The following PYGM variants were observed in gnomAD, a reference collection of about 807,000 sequenced individuals.
The protein encoded by PYGM is glycogen phosphorylase, muscle form.
A neutral mutation model predicts 99.3 loss-of-function variants in PYGM; 81 were observed. The ratio of observed to expected loss-of-function variants is 0.82; its 90% CI spans 0.68 to 0.98. The LOEUF is 0.98. Among genes scored for constraint, PYGM ranks in the 50% least tolerant of loss-of-function variants. The pLI, the probability that PYGM is intolerant of heterozygous loss-of-function variation, is 0.00. For synonymous variants in PYGM, 436 were observed against 451.5 expected (o/e 0.97, Z 0.44); for missense variants, 1,030 against 1,158.1 (o/e 0.89, Z 1.61).
rs2058379854 is a variant in PYGM, at chr11:64,754,318, G to A, written c.1027C>T (p.Pro343Ser). 11 of 1,613,574 alleles carry A rather than the reference G, an allele frequency of 6.8e-6. No individual in the cohort carries two copies. Among genetic ancestry groups the A allele is most frequent in the Non-Finnish European group, 8.5e-6 (10 of 1,179,866 alleles). The change falls in exon 9 of 20, where the codon CCC becomes TCC. Residue 343 changes from proline to serine, a missense_variant. Transcript: ENST00000164139. This position sits in a 1 kb window ranked among gnomAD's most constrained non-coding sequence, Gnocchi z 5.5. ...KVAIQLNDTH[P>S]SLAIPELMRI... Reference sequence around the variant, plus strand: ...ATCAGCTCGGGGATGGCCAGGGAGGGGTGGGTGTCATTGAGCTGGATGGCC... The same window carrying A: ...ATCAGCTCGGGGATGGCCAGGGAGGAGTGGGTGTCATTGAGCTGGATGGCC...
At chr11:64,750,262 A>C (rs2058345083) in intron 17 of PYGM, 114 bp downstream of exon 17, 3 of 1,169,380 alleles carry the variant, frequency 2.6e-6, no homozygotes, top group Admixed American at 1.7e-5. Flanking sequence ...GCTGGCCATG[A>C]CCAAGACCTT....
intron 12 of PYGM, 92 bp from the exon 13 acceptor site, chr11:64,752,596 T>G: frequency 7.5e-7 from 1 of 1,324,962 alleles, no homozygotes; most frequent in Non-Finnish European, 1.1e-6. Context: ...CAAGCCCCCT[T>G]CACCCAGCAG....
chr11:64,753,201 T>C lies in PYGM; in HGVS notation c.1404-14A>G, dbSNP rs1481152093. On this transcript the variant is annotated splice_polypyrimidine_tract_variant and intron_variant, in intron 11 of 19. Transcript: ENST00000164139. ...AAGTCTTTGAAGCTGCAGGATGAGG[T>C]TGGACGAGGGTCACCACTCACCCCT... is the stretch of plus-strand genomic sequence containing the variant. The C allele has an allele frequency of 6.3e-7, 1 of 1,592,764 alleles. No homozygotes were observed. Among genetic ancestry groups the C allele is most frequent in the Non-Finnish European group, 8.6e-7 (1 of 1,160,994 alleles).
At chr11:64,750,299 C>G in intron 17 of PYGM, 77 bp downstream of exon 17, 1 of 1,526,438 alleles carries the variant, frequency 6.6e-7, no homozygotes, top group Non-Finnish European at 9.1e-7. Flanking sequence ...TCTTTCCAGA[C>G]GTGCCGCTTG....
At chr11:64,751,513 C>A (rs565942259) in intron 15 of PYGM, 47 bp from the exon 16 acceptor site, 8 of 1,614,138 alleles carry the variant, frequency 5.0e-6, no homozygotes, top group Non-Finnish European at 2.5e-6. Flanking sequence ...GGCCCCCCAC[C>A]CCCTATCCTG....
Position 64,755,238 on chromosome 11 carries a change from C to T in PYGM, c.855+35G>A. The T allele has an allele frequency of 6.2e-7, 1 of 1,600,892 alleles. No homozygotes were observed. Among genetic ancestry groups the T allele is most frequent in the Non-Finnish European group, 8.6e-7 (1 of 1,168,278 alleles). On this transcript the variant is annotated intron_variant, in intron 7 of 19. Transcript: ENST00000164139. This position sits in a 1 kb window ranked among gnomAD's most constrained non-coding sequence, Gnocchi z 4.1. ...TCCCTGACCCCTGCTGCCAAGGACT[C>T]AGGCTTCCAGCCCCCAGCCCAGGGG...
chr11:64,753,577 C>T lies in PYGM; in HGVS notation c.1345G>A (p.Gly449Arg), dbSNP rs769172044. 6.0e-5 allele frequency: 97 copies of T among 1,605,554 alleles called. No individual in the cohort carries two copies. The highest frequency in any genetic ancestry group is 8.1e-5 in the Non-Finnish European group (96 of 1,178,220). Residue 449 changes from glycine (G) to arginine (R), a missense_variant, in exon 11 of 20, where the codon GGG becomes AGG. Gly to Arg is a moderately radical substitution (Grantham distance 125). Transcript: ENST00000164139. The part of the protein sequence containing the change: ...RINMAHLCIA[G>R]SHAVNGVARI... ...GCCACGCCGTTGACGGCGTGCGACC[C>T]CGCGATGCACAGGTGTGCCATGTTG... is the stretch of plus-strand genomic sequence containing the variant.
rs1161659707 is a variant in PYGM at position 64,754,897 on chromosome 11, G to A, written c.856-61C>T. ...TGGGGGCATGGCCTAAAGCTGCGGT[G>A]GGTGTGGCCAGGAGGGACTCCCACC... On this transcript the variant is annotated intron_variant, in intron 7 of 19. Transcript: ENST00000164139. This position sits in a 1 kb window ranked among gnomAD's most constrained non-coding sequence, Gnocchi z 5.5. The A allele has an allele frequency of 3.7e-6, 6 of 1,601,180 alleles. No individual in the cohort carries two copies. In the Admixed American group the frequency reaches 1.0e-4, roughly 27 times the overall value.
intron 11 of PYGM, 66 bp from the exon 12 acceptor site, chr11:64,753,253 C>CCCCT (rs1326702704): frequency 2.0e-6 from 3 of 1,468,424 alleles, no homozygotes; most frequent in Admixed American, 1.7e-5. Context: ...TGCCCTGGGG[C>CCCCT]CCCTACCCTG....
chr11:64,755,387 C>T lies in PYGM; in HGVS notation c.773-32G>A, dbSNP rs2058387389. 2 of 1,613,372 alleles carry T rather than the reference C, an allele frequency of 1.2e-6. No individual in the cohort carries two copies. The highest frequency in any genetic ancestry group is 1.7e-6 in the Non-Finnish European group (2 of 1,179,298). On this transcript the variant is annotated intron_variant, in intron 6 of 19. Coordinates refer to ENST00000164139, the MANE Select transcript of PYGM (RefSeq NM_005609.4). This position sits in a 1 kb window ranked among gnomAD's most constrained non-coding sequence, Gnocchi z 4.1. Reference sequence around the variant, plus strand: ...GACAAAAGTGGGGACAGGGTAAGGCCTGCGCTGGGCGTGGCCGGCGGGCAA... The same window carrying T: ...GACAAAAGTGGGGACAGGGTAAGGCTTGCGCTGGGCGTGGCCGGCGGGCAA...
rs780375860 is a variant in PYGM at position 64,754,817 on chromosome 11, A to G, written c.875T>C (p.Leu292Pro). Reference sequence around the variant, plus strand: ...CACGAAATACTCCTGCTTCAGCCGCAGCTCCTTCCCTTCGAAGAACTGGGG... The same window carrying G: ...CACGAAATACTCCTGCTTCAGCCGCGGCTCCTTCCCTTCGAAGAACTGGGG... The part of the protein sequence containing the change: ...PNDNFFEGKE[L>P]RLKQEYFVVA... The change falls in exon 8 of 20, where the codon CTG becomes CCG. Residue 292 changes from leucine to proline, a missense_variant. Transcript: ENST00000164139. This position sits in a 1 kb window ranked among gnomAD's most constrained non-coding sequence, Gnocchi z 5.5. 1.4e-5 allele frequency: 22 copies of G among 1,613,814 alleles called. No individual in the cohort carries two copies. The highest frequency in any genetic ancestry group is 1.8e-5 in the Non-Finnish European group (21 of 1,180,004).
chr11:64,760,127 G>C (rs2058425310), upstream of PYGM: 1 of 644,282 alleles, frequency 1.6e-6, no homozygotes, highest in Non-Finnish European at 2.6e-6. Context: ...AGCTCCACTT[G>C]GGCCGCCAAG....
rs886298101 is a variant in PYGM, at chr11:64,754,595, C to T, written c.999+98G>A. Reference sequence around the variant, plus strand: ...GACCCTCCCACACTCCCAGTCTCCACTCCCTTATCTATTACATGGGGCAGG... The same window carrying T: ...GACCCTCCCACACTCCCAGTCTCCATTCCCTTATCTATTACATGGGGCAGG... On this transcript the variant is annotated intron_variant, in intron 8 of 19. Transcript: ENST00000164139. The surrounding 1 kb of genome is among the most constrained non-coding windows in gnomAD (Gnocchi z 5.5). 6 of 1,505,416 alleles carry T rather than the reference C, an allele frequency of 4.0e-6. No homozygotes were observed. The highest frequency in any genetic ancestry group is 4.5e-6 in the Non-Finnish European group (5 of 1,104,932). 93.3% of individuals were successfully genotyped at this position (1,505,416 alleles called of 1,614,324 possible). A position where few individuals can be genotyped will look rare whatever the true frequency, so the allele number is the denominator to read the frequency against.
chr11:64,759,908 A>T lies in PYGM; in HGVS notation c.-10T>A. 4.3e-6 allele frequency: 7 copies of T among 1,613,768 alleles called. No individual in the cohort carries two copies. The highest frequency in any genetic ancestry group is 5.1e-6 in the Non-Finnish European group (6 of 1,179,962). On this transcript the variant is annotated 5_prime_UTR_variant, in exon 1 of 20. Coordinates refer to ENST00000164139, the MANE Select transcript of PYGM (RefSeq NM_005609.4). ...ACAGGGGCCGGGACATGGCTGCAGG[A>T]GGGCGGGCCGGACTGGACTGATGGT... is the stretch of plus-strand genomic sequence containing the variant.
intron 12 of PYGM, 98 bp downstream of exon 12, chr11:64,752,962 TTTCAGCCTTCAGC>T: frequency 1.9e-6 from 2 of 1,034,758 alleles, no homozygotes; most frequent in Non-Finnish European, 3.1e-6. Flanking sequence ...GCAGGAGGGA[TTTCAGCCTTCAGC>T]TGGGAGCCCT....
At chr11:64,753,312 G>A in intron 11 of PYGM, 125 bp from the exon 12 acceptor site, 3 of 1,215,606 alleles carry the variant, frequency 2.5e-6, no homozygotes, top group Non-Finnish European at 3.6e-6. Context: ...CCTGGGGAAG[G>A]TTGGGGGTGC....
chr11:64,754,144 C>T lies in PYGM; in HGVS notation c.1092+109G>A. The T allele has an allele frequency of 6.3e-7, 1 of 1,586,308 alleles. No individual in the cohort carries two copies. Among genetic ancestry groups the T allele is most frequent in the Middle Eastern group, 1.7e-4 (1 of 6,008 alleles). ...CAGGTTCCAGGACGGTCCCTCTGGCCTCAGGCTCTGATCCCTTCACTCCAT... is the reference window on the plus strand; with the variant it reads ...CAGGTTCCAGGACGGTCCCTCTGGCTTCAGGCTCTGATCCCTTCACTCCAT... On this transcript the variant is annotated intron_variant, in intron 9 of 19. Transcript: ENST00000164139. The surrounding 1 kb of genome is among the most constrained non-coding windows in gnomAD (Gnocchi z 5.5).
rs145059606 is a variant in PYGM at position 64,757,119 on chromosome 11, C to T, written c.660+660G>A. Among the ~76,000 whole-genome samples, 394 of 152,210 alleles carry T rather than the reference C, an allele frequency of 2.6e-3. 2 individuals are homozygous for T. The highest frequency in any genetic ancestry group is 8.7e-3 in the African/African-American group (361 of 41,534). On this transcript the variant is annotated intron_variant, in intron 5 of 19. Transcript: ENST00000164139. Reference sequence around the variant, plus strand: ...TTTGTATTTTTTGTAGACGGGGTTTCGCCCTCTTGTCCAGGCTGGTCTCGA... The same window carrying T: ...TTTGTATTTTTTGTAGACGGGGTTTTGCCCTCTTGTCCAGGCTGGTCTCGA...
At position 64,758,711 on chromosome 11, in the gene PYGM, A is replaced by G. The variant is rs773415576; in HGVS notation, c.244-7T>C. ...AAGACAGGTAGTAGATCCTCTGCCC[A>G]GAGAGACGGATGGGCAGGGAATGGG... On this transcript the variant is annotated splice_polypyrimidine_tract_variant and splice_region_variant and intron_variant, in intron 1 of 19. Transcript: ENST00000164139. The G allele has an allele frequency of 3.8e-6, 6 of 1,590,496 alleles. No individual in the cohort carries two copies. Among genetic ancestry groups the G allele is most frequent in the Non-Finnish European group, 5.2e-6 (6 of 1,158,832 alleles).
Sources: allele counts gnomAD v4.1 joint callset (sites outside exome capture counted in the v4.1 genomes callset), GRCh38; gene constraint gnomAD v4.1.1; non-coding constraint Gnocchi (gnomAD v3.1); transcripts MANE v1.5; gene names NCBI Gene and HGNC (gene_info 2026-07-23, HGNC 2026-07-21).